Variants in GLIS3 observed in about 807,000 individuals in gnomAD.
GLIS3 encodes the protein zinc finger protein GLIS3.
A neutral mutation model predicts 78.6 loss-of-function variants in GLIS3; 53 were observed. The observed-to-expected ratio is 0.67, with a 90% CI of 0.54 to 0.85. The LOEUF (loss-of-function observed/expected upper bound fraction) is 0.85. Among genes scored for constraint, GLIS3 ranks in the 40% least tolerant of loss-of-function variants. The pLI is 0.00. For missense variants in GLIS3, 1,703 were observed against 1,231.1 expected (o/e 1.38, Z -5.74); for synonymous variants, 684 against 509.9 (o/e 1.34, Z -4.60).
At chr9:4,394,553 T>C in the GLIS3 span, among the ~76,000 whole-genome samples, 3 of 152,180 alleles carry the variant, frequency 2.0e-5, no homozygotes, top group East Asian at 1.9e-4. Context: ...TATTGTTGAG[T>C]GGGTGGAAGG....
chr9:3,920,618 T>G (rs888659726), intron 6 of GLIS3, among the ~76,000 whole-genome samples: 1 of 151,416 alleles, frequency 6.6e-6, no homozygotes, highest in East Asian at 1.9e-4. Flanking sequence ...GGTTTTTTTT[T>G]TTTTTTTTTT....
the GLIS3 span, among the ~76,000 whole-genome samples, chr9:4,389,958 C>T: frequency 1.3e-5 from 2 of 152,214 alleles, no homozygotes; most frequent in African/African-American, 4.8e-5. Context: ...ATAGAACGTT[C>T]TAAGACAGTG....
chr9:3,892,862 C>T (rs1563819999), intron 7 of GLIS3, among the ~76,000 whole-genome samples: 1 of 152,174 alleles, frequency 6.6e-6, no homozygotes, highest in Non-Finnish European at 1.5e-5. Context: ...GTTTTGCCAC[C>T]TTCTTAAGAC....
chr9:3,844,600 G>C (rs1264438186), intron 9 of GLIS3, among the ~76,000 whole-genome samples: 1 of 152,112 alleles, frequency 6.6e-6, no homozygotes, highest in Non-Finnish European at 1.5e-5. Context: ...AAGTCATGAT[G>C]GTCAATGATA....
chr9:4,366,087 G>A, the GLIS3 span, among the ~76,000 whole-genome samples: 1 of 152,202 alleles, frequency 6.6e-6, no homozygotes, highest in Non-Finnish European at 1.5e-5. Context: ...AGGGTATGGG[G>A]CACCCAGAAG....
chr9:4,173,379 C>A (rs1428699717), intron 2 of GLIS3, among the ~76,000 whole-genome samples: 1 of 152,074 alleles, frequency 6.6e-6, no homozygotes, highest in Non-Finnish European at 1.5e-5. Context: ...TCTAATTTGT[C>A]CCTAACTCTT....
At chr9:4,325,334 T>C (rs1817584222) in intron 2 of GLIS3, among the ~76,000 whole-genome samples, 1 of 152,212 alleles carries the variant, frequency 6.6e-6, no homozygotes, top group South Asian at 2.1e-4. Context: ...GAGTACCCCT[T>C]AATGTGGTGA....
chr9:4,095,669 A>G (rs1408402856), intron 4 of GLIS3, among the ~76,000 whole-genome samples: 3 of 152,192 alleles, frequency 2.0e-5, no homozygotes, highest in Non-Finnish European at 4.4e-5. Context: ...GATGAAAGTG[A>G]GCGAGCTATA....
At chr9:4,184,874 C>T (rs1041690657) in intron 2 of GLIS3, among the ~76,000 whole-genome samples, 6 of 125,086 alleles carry the variant, frequency 4.8e-5, no homozygotes, top group East Asian at 5.1e-4. Context: ...ATGAATTATA[C>T]ACAAAAGTAT....
rs1816580248 is a variant in GLIS3, at chr9:4,296,933, A to G, written c.-99+2488T>C. 2.0e-5 allele frequency among the ~76,000 whole-genome samples: 3 copies of G among 150,042 alleles called. No individual in the cohort carries two copies. The South Asian group carries it at 6.3e-4, about 32-fold the overall frequency. ...AAAAAAAAAAAAAAAAAAAATGCAT[A>G]TAATCTAACACTCTCCTGTCTAAAT... On this transcript the variant is annotated intron_variant, in intron 1 of 10. Coordinates refer to ENST00000381971, the MANE Select transcript of GLIS3 (RefSeq NM_001042413.2).
intron 6 of GLIS3, among the ~76,000 whole-genome samples, chr9:3,907,312 T>C (rs189619647): frequency 2.6e-5 from 4 of 152,302 alleles, no homozygotes; most frequent in Non-Finnish European, 2.9e-5. Flanking sequence ...AATCACTAAC[T>C]GCCGATTGGA....
At chr9:4,255,391 C>T (rs1208832374) in intron 2 of GLIS3, among the ~76,000 whole-genome samples, 1 of 152,092 alleles carries the variant, frequency 6.6e-6, no homozygotes, top group Non-Finnish European at 1.5e-5. Context: ...AAACTTAGGT[C>T]CACACACAAA....
chr9:4,363,400 CAG>C, the GLIS3 span, among the ~76,000 whole-genome samples: 2 of 152,132 alleles, frequency 1.3e-5, no homozygotes, highest in African/African-American at 4.8e-5. Context: ...TCCTGGGTGA[CAG>C]AGACTCAGAA....
At chr9:4,269,002 T>TA (rs1307615815) in intron 2 of GLIS3, among the ~76,000 whole-genome samples, 1 of 152,162 alleles carries the variant, frequency 6.6e-6, no homozygotes, top group African/African-American at 2.4e-5. Flanking sequence ...TTCTCTATGT[T>TA]AAAAATAACC....
At chr9:4,430,929 G>A in the GLIS3 span, among the ~76,000 whole-genome samples, 1 of 147,714 alleles carries the variant, frequency 6.8e-6, no homozygotes, top group African/African-American at 2.7e-5. Flanking sequence ...TCTTTCAAGA[G>A]AGAAGCTGTG....
chr9:4,328,829 C>A (rs1207577291), intron 2 of GLIS3, among the ~76,000 whole-genome samples: 1 of 152,140 alleles, frequency 6.6e-6, no homozygotes, highest in Non-Finnish European at 1.5e-5. Context: ...AGATCAGTGC[C>A]CGGCACGTGA....
chr9:4,087,383 GA>G (rs1198554966), intron 4 of GLIS3, among the ~76,000 whole-genome samples: 2 of 152,100 alleles, frequency 1.3e-5, no homozygotes, highest in Admixed American at 1.3e-4. Context: ...GAGTGAAGAT[GA>G]AAAAAGTTTT....
chr9:4,163,905 G>A (rs759053971), intron 2 of GLIS3, among the ~76,000 whole-genome samples: 2 of 152,194 alleles, frequency 1.3e-5, no homozygotes, highest in Non-Finnish European at 2.9e-5. Context: ...TAAGGCCAGT[G>A]CTTTTCATCA....
the GLIS3 span, among the ~76,000 whole-genome samples, chr9:4,385,438 T>C: frequency 6.6e-6 from 1 of 152,030 alleles, no homozygotes; most frequent in East Asian, 1.9e-4. Context: ...CTGAGGCCGG[T>C]GGATCACCTG....
Sources: gnomAD v4.1 joint callset for allele counts (sites outside exome capture counted in the v4.1 genomes callset) on GRCh38, gnomAD v4.1.1 for gene constraint, MANE v1.5 for transcripts, NCBI Gene and HGNC (gene_info 2026-07-23, HGNC 2026-07-21) for gene names.